Variants in GSE1 observed in about 807,000 individuals in gnomAD.
GSE1 encodes the protein genetic suppressor element 1.
In GSE1, 32 loss-of-function variants were observed where a neutral mutation model predicts 112.6. That is an observed-to-expected ratio of 0.28 (90% confidence interval 0.21 to 0.38). GSE1 has a LOEUF of 0.38. GSE1 is among the 10% of genes least tolerant of loss of function. GSE1 has a pLI of 1.00. For synonymous variants in GSE1, 1,115 were observed against 735.6 expected, an observed-to-expected ratio of 1.52 and a Z score of -8.35; for missense variants, 2,348 against 1,699.2, an observed-to-expected ratio of 1.38 and a Z score of -6.71.
At chr16:85,238,422 G>A (rs1409921725) in intron 1 of GSE1, among the ~76,000 whole-genome samples, 1 of 152,218 alleles carries the variant, frequency 6.6e-6, no homozygotes, top group Non-Finnish European at 1.5e-5. Context: ...AGCCTGGTGG[G>A]GGCTGGTGCT....
intron 2 of GSE1, among the ~76,000 whole-genome samples, chr16:85,522,845 G>A (rs1442829714): frequency 6.6e-6 from 1 of 152,122 alleles, no homozygotes; most frequent in Non-Finnish European, 1.5e-5. Flanking sequence ...AGTATGTTGT[G>A]TATGGGTGTG....
At chr16:85,658,156 T>C (rs566758339) in intron 8 of GSE1, among the ~76,000 whole-genome samples, 19 of 152,356 alleles carry the variant, frequency 1.2e-4, no homozygotes, top group East Asian at 5.8e-4. Flanking sequence ...ACAGGTCTTA[T>C]GAGCTGGGCC....
intron 2 of GSE1, among the ~76,000 whole-genome samples, chr16:85,489,411 C>T (rs1456190516): frequency 6.6e-6 from 1 of 152,098 alleles, no homozygotes; most frequent in Admixed American, 6.5e-5. Flanking sequence ...TACATGGCTC[C>T]AGCACCATCT....
intron 2 of GSE1, among the ~76,000 whole-genome samples, chr16:85,519,438 G>A (rs372312891): frequency 2.3e-4 from 2 of 8,532 alleles, no homozygotes; most frequent in Non-Finnish European, 2.1e-4. Context: ...CACCATCACC[G>A]GTCTCCATCA....
At chr16:85,185,467 T>G (rs2074680727) in intron 1 of GSE1, 1 of 152,258 alleles carries the variant, frequency 6.6e-6, no homozygotes, top group Non-Finnish European at 1.5e-5. Context: ...AGAAGTCACC[T>G]CCATGCAGAG....
chr16:85,260,556 C>A (rs998431925), intron 1 of GSE1, among the ~76,000 whole-genome samples: 1 of 152,142 alleles, frequency 6.6e-6, no homozygotes, highest in East Asian at 1.9e-4. Context: ...CTGCTGACCT[C>A]AGGTGATCCA....
intron 2 of GSE1, among the ~76,000 whole-genome samples, chr16:85,425,481 T>G (rs12598892): frequency 0.058 from 8,780 of 152,198 alleles, 475 homozygotes; most frequent in East Asian, 0.31. Flanking sequence ...GTGATGCTCA[T>G]GAGACAAAAC....
intron 1 of GSE1, among the ~76,000 whole-genome samples, chr16:85,590,089 G>A (rs2046919846): frequency 6.6e-6 from 1 of 152,114 alleles, no homozygotes; most frequent in African/African-American, 2.4e-5. Context: ...AGGTGTGTGT[G>A]AGGCGTGTGA....
intron 1 of GSE1, among the ~76,000 whole-genome samples, chr16:85,591,541 G>A (rs958212143): frequency 6.6e-6 from 1 of 152,310 alleles, no homozygotes; most frequent in East Asian, 1.9e-4. Flanking sequence ...GTGCTGGGGA[G>A]GGGTCCTGGA....
chr16:85,452,641 C>A (rs2049718424), intron 2 of GSE1, among the ~76,000 whole-genome samples: 1 of 152,278 alleles, frequency 6.6e-6, no homozygotes, highest in African/African-American at 2.4e-5. Flanking sequence ...AGGCTGTTCC[C>A]ACCTGTGGGA....
intron 1 of GSE1, among the ~76,000 whole-genome samples, chr16:85,616,472 A>C (rs914302476): frequency 6.6e-6 from 1 of 152,174 alleles, no homozygotes; most frequent in Non-Finnish European, 1.5e-5. Context: ...AAGTCCAAGG[A>C]TCAAACCCTG....
chr16:85,347,096 C>T (rs954086735), intron 1 of GSE1, among the ~76,000 whole-genome samples: 11 of 151,976 alleles, frequency 7.2e-5, no homozygotes, highest in East Asian at 1.9e-4. Flanking sequence ...GGCCGCTGCT[C>T]GGTGGTGTTG....
chr16:85,374,414 AGT>A (rs557894362), intron 2 of GSE1, among the ~76,000 whole-genome samples: 11 of 150,394 alleles, frequency 7.3e-5, no homozygotes, highest in African/African-American at 1.7e-4. Flanking sequence ...CTCCGTGTGC[AGT>A]GTGTGTCAGT....
chr16:85,657,451 A>C lies in GSE1; in HGVS notation c.1487A>C (p.Lys496Thr). The C allele has an allele frequency of 6.2e-7, 1 of 1,612,174 alleles. No individual in the cohort carries two copies. The highest frequency in any genetic ancestry group is 8.5e-7 in the Non-Finnish European group (1 of 1,179,622). Residue 496 changes from lysine (K) to threonine (T), a missense_variant, in exon 8 of 16, where the codon AAG becomes ACG. By Grantham distance (78) the Lys-to-Thr change is moderately conservative. Coordinates refer to ENST00000253458, the MANE Select transcript of GSE1 (RefSeq NM_014615.5). ...ATCCAGCGCACCAATGAGGAGGAGAAGTGGCTGGCGCGGCAGCGGCGGCTG... is the reference window on the plus strand; with the variant it reads ...ATCCAGCGCACCAATGAGGAGGAGACGTGGCTGGCGCGGCAGCGGCGGCTG... ...LLIQRTNEEE[K>T]WLARQRRLRQ... is the part of the protein sequence containing the mutation.
chr16:85,255,853 T>A (rs1232954922), intron 1 of GSE1, among the ~76,000 whole-genome samples: 1 of 152,046 alleles, frequency 6.6e-6, no homozygotes. Flanking sequence ...CATGCCTGGC[T>A]CATTTTTAAA....
At chr16:85,657,052 C>A (rs1268532077) in intron 7 of GSE1, among the ~76,000 whole-genome samples, 1 of 152,252 alleles carries the variant, frequency 6.6e-6, no homozygotes, top group African/African-American at 2.4e-5. Context: ...ACCGCACTGG[C>A]TGGGCAAGAG....
At chr16:85,214,655 G>A (rs1001235183) in intron 1 of GSE1, among the ~76,000 whole-genome samples, 1 of 152,066 alleles carries the variant, frequency 6.6e-6, no homozygotes, top group African/African-American at 2.4e-5. Context: ...GTAATACCCG[G>A]GCCCTTCTGA....
chr16:85,569,477 G>T (rs2045892816), intron 1 of GSE1, among the ~76,000 whole-genome samples: 1 of 152,216 alleles, frequency 6.6e-6, no homozygotes, highest in Non-Finnish European at 1.5e-5. Context: ...TGGTAAATGT[G>T]GAGGATAATT....
intron 2 of GSE1, among the ~76,000 whole-genome samples, chr16:85,443,341 G>T (rs555945497): frequency 6.6e-6 from 1 of 152,216 alleles, no homozygotes; most frequent in Non-Finnish European, 1.5e-5. Context: ...GCAGTGCAGC[G>T]CATGGCCCAG....
Sources: allele counts gnomAD v4.1 joint callset (sites outside exome capture counted in the v4.1 genomes callset), GRCh38; gene constraint gnomAD v4.1.1; transcripts MANE v1.5; gene names NCBI Gene and HGNC (gene_info 2026-07-23, HGNC 2026-07-21).